TCF4: variants seen among roughly 807,000 people sequenced by gnomAD.
The protein encoded by TCF4 is transcription factor 4, also known as SL3-3 enhancer factor 2.
In TCF4, 3 loss-of-function variants were observed where a neutral mutation model predicts 82.1. That is an observed-to-expected ratio of 0.04 (90% CI 0.02 to 0.09). The LOEUF (loss-of-function observed/expected upper bound fraction) is 0.09. TCF4 is among the 10% of genes least tolerant of loss of function. The pLI is 1.00. For synonymous variants in TCF4, 276 were observed against 309.6 expected, an observed-to-expected ratio of 0.89 and a Z score of 1.14; for missense variants, 518 against 852.7, an observed-to-expected ratio of 0.61 and a Z score of 4.89.
chr18:55,569,779 G>A (rs1284946274), intron 3 of TCF4, among the ~76,000 whole-genome samples: 6 of 152,076 alleles, frequency 3.9e-5, no homozygotes, highest in Non-Finnish European at 7.3e-5. Context: ...CTAAAACAAT[G>A]GAGATATAAA....
intron 14 of TCF4, 134 bp downstream of exon 14, chr18:55,257,181 C>T (rs369976166): frequency 6.8e-5 from 62 of 915,500 alleles, no homozygotes; most frequent in African/African-American, 4.0e-4. Flanking sequence ...CTCTGGCTCC[C>T]GCAAACCTGT....
intron 3 of TCF4, chr18:55,553,269 C>T (rs1412936020): frequency 6.6e-6 from 1 of 152,158 alleles, no homozygotes; most frequent in East Asian, 1.9e-4. Flanking sequence ...ATTTAGGTAA[C>T]AACGTTTGCT....
chr18:55,479,565 T>C (rs948256753), intron 3 of TCF4, among the ~76,000 whole-genome samples: 6 of 152,192 alleles, frequency 3.9e-5, no homozygotes, highest in Non-Finnish European at 8.8e-5. Context: ...AATACTTGCC[T>C]TGTCCAGACC....
chr18:55,480,329 T>G (rs2096399426), intron 3 of TCF4, among the ~76,000 whole-genome samples: 1 of 145,922 alleles, frequency 6.9e-6, no homozygotes, highest in South Asian at 2.2e-4. Flanking sequence ...TTATGTGTAT[T>G]ACACTTACTG....
intron 8 of TCF4, among the ~76,000 whole-genome samples, chr18:55,315,145 T>G (rs1326091771): frequency 6.6e-6 from 1 of 152,060 alleles, no homozygotes; most frequent in Non-Finnish European, 1.5e-5. Flanking sequence ...GCATTTTTTT[T>G]GGTTGAGCCT....
At chr18:55,487,947 CCT>C (rs1309665560) in intron 3 of TCF4, among the ~76,000 whole-genome samples, 2 of 151,806 alleles carry the variant, frequency 1.3e-5, no homozygotes, top group Non-Finnish European at 2.9e-5. Context: ...TTCAAAAGCC[CCT>C]GTTAAAGCCA....
chr18:55,634,493 C>G (rs2097734370), intron 1 of TCF4, among the ~76,000 whole-genome samples: 1 of 151,720 alleles, frequency 6.6e-6, no homozygotes. Flanking sequence ...CTGTCTGATT[C>G]AAAGTTTATG....
chr18:55,612,261 G>C (rs1408703016), intron 2 of TCF4, among the ~76,000 whole-genome samples: 1 of 152,132 alleles, frequency 6.6e-6, no homozygotes, highest in Non-Finnish European at 1.5e-5. Context: ...GGGAATGATG[G>C]GCACTCTTGA....
At chr18:55,448,843 C>T (rs1015656427) in intron 5 of TCF4, among the ~76,000 whole-genome samples, 13 of 152,216 alleles carry the variant, frequency 8.5e-5, no homozygotes, top group Non-Finnish European at 1.6e-4. Flanking sequence ...GCTGAGAGAA[C>T]AGCCGTAAAT....
chr18:55,498,167 A>G (rs764364579), intron 3 of TCF4, among the ~76,000 whole-genome samples: 2 of 152,126 alleles, frequency 1.3e-5, no homozygotes, highest in Non-Finnish European at 2.9e-5. Flanking sequence ...TAAATTACCA[A>G]TGGTTTTCCC....
intron 18 of TCF4, 48 bp from the exon 19 acceptor site, chr18:55,228,409 G>A (rs1272398543): frequency 3.7e-6 from 6 of 1,608,670 alleles, no homozygotes; most frequent in Non-Finnish European, 5.1e-6. Context: ...TGAGGCTTCT[G>A]GCAGAGGGCA....
At chr18:55,553,859 A>G (rs2097281148) in intron 3 of TCF4, among the ~76,000 whole-genome samples, 1 of 152,200 alleles carries the variant, frequency 6.6e-6, no homozygotes, top group Non-Finnish European at 1.5e-5. Flanking sequence ...CAATGAATCC[A>G]ATTTTTCCAC....
At chr18:55,588,231 C>G, upstream of TCF4, 5 of 1,401,906 alleles carry the variant, frequency 3.6e-6, no homozygotes, top group South Asian at 7.6e-5. Context: ...AACACCAACT[C>G]TCTTCTCCGG....
chr18:55,348,358 T>C (rs569629653), intron 8 of TCF4, among the ~76,000 whole-genome samples: 122 of 152,256 alleles, frequency 8.0e-4, no homozygotes, highest in Non-Finnish European at 1.5e-3. Flanking sequence ...GAAAAAAGGC[T>C]ATTCATCAAA....
intron 6 of TCF4, chr18:55,401,058 A>C (rs920290824): frequency 1.6e-6 from 2 of 1,288,974 alleles, no homozygotes; most frequent in Non-Finnish European, 2.0e-6. Flanking sequence ...CTTGAAGCCC[A>C]AGATACTGAG....
rs545155976 is a variant in TCF4 at position 55,255,292 on chromosome 18, C to T, written c.1147-592G>A. On this transcript the variant is annotated intron_variant, in intron 14 of 19. Coordinates refer to ENST00000354452, the MANE Select transcript of TCF4 (RefSeq NM_001083962.2). ...TGTGTGGTGGTATGCGTGTAAGGGC[C>T]TCAAAATGGTTACAGAAAAAAATTA... Among the ~76,000 whole-genome samples the T allele has an allele frequency of 2.0e-5, 3 of 152,100 alleles. No homozygotes were observed. The East Asian group carries it at 5.8e-4, about 29-fold the overall frequency.
chr18:55,353,531 A>G (rs913482878), intron 6 of TCF4, among the ~76,000 whole-genome samples: 2 of 152,216 alleles, frequency 1.3e-5, no homozygotes, highest in African/African-American at 2.4e-5. Context: ...CTAAAGCAAC[A>G]AAAATAAACA....
At chr18:55,629,647 G>A (rs1568508493) in intron 2 of TCF4, among the ~76,000 whole-genome samples, 1 of 152,214 alleles carries the variant, frequency 6.6e-6, no homozygotes, top group African/African-American at 2.4e-5. Context: ...AGTTGGACAA[G>A]GTTGTGGAGC....
intron 2 of TCF4, among the ~76,000 whole-genome samples, chr18:55,617,554 A>G (rs1352202882): frequency 6.6e-6 from 1 of 152,126 alleles, no homozygotes; most frequent in Non-Finnish European, 1.5e-5. Context: ...ATTGTCTTCC[A>G]ATCCATGAAT....
Sources: allele counts gnomAD v4.1 joint callset (sites outside exome capture counted in the v4.1 genomes callset), GRCh38; gene constraint gnomAD v4.1.1; transcripts MANE v1.5; gene names NCBI Gene and HGNC (gene_info 2026-07-23, HGNC 2026-07-21).